CA10: variants seen among roughly 807,000 people sequenced by gnomAD.
CA10 encodes the protein carbonic anhydrase-related protein 10.
CA10 carries 14 observed loss-of-function variants against 44.2 expected under a neutral mutation model. The ratio of observed to expected loss-of-function variants is 0.32; its 90% confidence interval spans 0.21 to 0.50. The LOEUF (loss-of-function observed/expected upper bound fraction) is 0.50. Ranked by LOEUF, CA10 falls within the 20% of genes least tolerant of loss-of-function variation. The pLI is 0.99. For synonymous variants in CA10, 159 were observed against 141.6 expected (o/e 1.12, Z -0.87); for missense variants, 350 against 409.7 (o/e 0.85, Z 1.26).
intron 3 of CA10, among the ~76,000 whole-genome samples, chr17:51,807,475 G>T (rs1351261235): frequency 6.6e-6 from 1 of 152,124 alleles, no homozygotes; most frequent in Non-Finnish European, 1.5e-5. Context: ...AAGAACTTAG[G>T]TCCTCTAGCT....
chr17:52,018,747 T>G (rs965790137), intron 2 of CA10, among the ~76,000 whole-genome samples: 2 of 152,090 alleles, frequency 1.3e-5, no homozygotes, highest in South Asian at 2.1e-4. Context: ...GAATGTGAGA[T>G]GAACATGAAA....
chr17:52,104,536 C>T (rs1030830206), intron 1 of CA10, among the ~76,000 whole-genome samples: 14 of 152,134 alleles, frequency 9.2e-5, no homozygotes, highest in East Asian at 1.9e-4. Context: ...CTTTCTCAAA[C>T]GAGGGCACAA....
intron 3 of CA10, among the ~76,000 whole-genome samples, chr17:51,905,799 C>T (rs1298591553): frequency 6.6e-6 from 1 of 152,084 alleles, no homozygotes; most frequent in Non-Finnish European, 1.5e-5. Flanking sequence ...TCTGCCTTCC[C>T]CATCACCCAA....
intron 3 of CA10, among the ~76,000 whole-genome samples, chr17:51,844,498 C>T (rs748394313): frequency 6.6e-6 from 1 of 152,242 alleles, no homozygotes; most frequent in Admixed American, 6.5e-5. Flanking sequence ...AATATTTTCA[C>T]TCATCTTTAA....
intron 3 of CA10, among the ~76,000 whole-genome samples, chr17:51,793,071 G>A (rs1175152790): frequency 6.6e-6 from 1 of 152,204 alleles, no homozygotes; most frequent in Non-Finnish European, 1.5e-5. Flanking sequence ...GATTACTCCA[G>A]TCACATTATC....
At chr17:51,829,000 T>G (rs917971771) in intron 3 of CA10, among the ~76,000 whole-genome samples, 2 of 152,232 alleles carry the variant, frequency 1.3e-5, no homozygotes, top group African/African-American at 2.4e-5. Context: ...TTAAGATGTC[T>G]GGTTGTTACT....
chr17:52,095,143 G>T (rs1289625417), intron 1 of CA10, among the ~76,000 whole-genome samples: 1 of 152,110 alleles, frequency 6.6e-6, no homozygotes, highest in Non-Finnish European at 1.5e-5. Context: ...CACATTAAAA[G>T]AATCAACAAT....
chr17:51,738,839 A>G (rs1180168692), intron 4 of CA10, among the ~76,000 whole-genome samples: 1 of 152,210 alleles, frequency 6.6e-6, no homozygotes, highest in African/African-American at 2.4e-5. Context: ...ATTTGACAGA[A>G]TTCTAAATTT....
intron 3 of CA10, among the ~76,000 whole-genome samples, chr17:51,880,582 G>A (rs1185816206): frequency 1.3e-5 from 2 of 152,096 alleles, no homozygotes; most frequent in African/African-American, 2.4e-5. Context: ...GAGTATAGGT[G>A]TGAGACATTG....
chr17:51,785,811 T>C (rs1281886425), intron 3 of CA10, among the ~76,000 whole-genome samples: 1 of 152,164 alleles, frequency 6.6e-6, no homozygotes, highest in Non-Finnish European at 1.5e-5. Flanking sequence ...TCCATATAAA[T>C]TTAAGGATTA....
At chr17:51,717,815 A>G (rs1264894059) in intron 4 of CA10, among the ~76,000 whole-genome samples, 1 of 20,982 alleles carries the variant, frequency 4.8e-5, no homozygotes, top group Non-Finnish European at 8.4e-5. Flanking sequence ...ATATACACGT[A>G]TATATATGTG....
At chr17:51,816,448 G>T (rs1474599047) in intron 3 of CA10, among the ~76,000 whole-genome samples, 1 of 152,142 alleles carries the variant, frequency 6.6e-6, no homozygotes, top group African/African-American at 2.4e-5. Context: ...GGGATTGCTG[G>T]ATCATATGGT....
chr17:51,632,307 A>G (rs1490240988), intron 8 of CA10, among the ~76,000 whole-genome samples: 1 of 152,202 alleles, frequency 6.6e-6, no homozygotes, highest in Non-Finnish European at 1.5e-5. Context: ...GGAACACAAT[A>G]CAGGGGTTTT....
intron 3 of CA10, among the ~76,000 whole-genome samples, chr17:51,774,782 A>C (rs1905752564): frequency 6.6e-6 from 1 of 152,188 alleles, no homozygotes; most frequent in Non-Finnish European, 1.5e-5. Context: ...GCCATGGGCC[A>C]GAAACCAGTT....
intron 3 of CA10, among the ~76,000 whole-genome samples, chr17:51,778,483 G>A (rs1186710765): frequency 6.6e-5 from 10 of 152,216 alleles, no homozygotes; most frequent in Admixed American, 5.9e-4. Flanking sequence ...CCGAATAGGT[G>A]ATCCAGATGA....
intron 4 of CA10, among the ~76,000 whole-genome samples, chr17:51,707,234 A>C (rs574494128): frequency 6.6e-6 from 1 of 152,260 alleles, no homozygotes; most frequent in Non-Finnish European, 1.5e-5. Flanking sequence ...CCTGGCTTAT[A>C]AGGTTAGTGT....
At chr17:52,032,717 T>A (rs757971393) in intron 2 of CA10, among the ~76,000 whole-genome samples, 2 of 152,130 alleles carry the variant, frequency 1.3e-5, no homozygotes, top group Non-Finnish European at 1.5e-5. Context: ...CAAACATTTA[T>A]TGAGCAAATA....
At chr17:52,123,652 A>C (rs1470888097) in intron 1 of CA10, among the ~76,000 whole-genome samples, 1 of 152,220 alleles carries the variant, frequency 6.6e-6, no homozygotes, top group Non-Finnish European at 1.5e-5. Context: ...TAATTCATTA[A>C]GAAAATAACA....
chr17:51,854,411 C>T (rs1978944254), intron 3 of CA10, among the ~76,000 whole-genome samples: 1 of 152,210 alleles, frequency 6.6e-6, no homozygotes, highest in African/African-American at 2.4e-5. Flanking sequence ...GAGTGAAATG[C>T]ATGTCCATGC....
Sources: allele counts gnomAD v4.1 joint callset (sites outside exome capture counted in the v4.1 genomes callset), GRCh38; gene constraint gnomAD v4.1.1; transcripts MANE v1.5; gene names NCBI Gene and HGNC (gene_info 2026-07-23, HGNC 2026-07-21).